Variants in CERK observed in about 807,000 individuals in gnomAD.
CERK encodes the protein acylsphingosine kinase.
Under a neutral mutation model 63.4 loss-of-function variants are expected in CERK, and 39 were observed. The observed-to-expected ratio is 0.61, with a 90% CI of 0.48 to 0.80. The LOEUF (loss-of-function observed/expected upper bound fraction) is 0.80, where lower values mean the gene tolerates loss of function less well. Ranked by LOEUF, CERK falls within the 30% of genes least tolerant of loss-of-function variation. CERK has a pLI of 0.00. For synonymous variants in CERK, 302 were observed against 280.0 expected (o/e 1.08, Z -0.78); for missense variants, 670 against 714.1 (o/e 0.94, Z 0.70).
intron 8 of CERK, among the ~76,000 whole-genome samples, chr22:46,698,991 C>CCT (rs1184770257): frequency 4.6e-5 from 7 of 152,308 alleles, no homozygotes; most frequent in Non-Finnish European, 8.8e-5. Flanking sequence ...CTGTCACCTG[C>CCT]CTACCAGATG....
At chr22:46,712,358 T>C (rs752430333) in intron 3 of CERK, 65 bp from the exon 4 acceptor site, 22 of 1,489,014 alleles carry the variant, frequency 1.5e-5, no homozygotes, top group Middle Eastern at 1.7e-4. Flanking sequence ...GCTCTGTTAC[T>C]GGACAAAATC....
chr22:46,717,395 A>G (rs1045892043), intron 3 of CERK, among the ~76,000 whole-genome samples: 38 of 152,250 alleles, frequency 2.5e-4, no homozygotes, highest in African/African-American at 9.2e-4. Flanking sequence ...CCACTGTACC[A>G]TGGGTGAATA....
chr22:46,706,305 C>T (rs892725158), intron 6 of CERK, among the ~76,000 whole-genome samples: 15 of 152,226 alleles, frequency 9.9e-5, no homozygotes, highest in Non-Finnish European at 1.8e-4. Flanking sequence ...GCCAGCTCTT[C>T]CGCTCTCCCC....
intron 5 of CERK, among the ~76,000 whole-genome samples, chr22:46,710,161 G>C (rs1027222207): frequency 2.6e-5 from 4 of 152,196 alleles, no homozygotes; most frequent in African/African-American, 9.7e-5. Flanking sequence ...GGGCGCGGTG[G>C]CTCATGCCTG....
rs967998624 is a variant in CERK at position 46,714,658 on chromosome 22, T to C, written c.380-2365A>G. Among the ~76,000 whole-genome samples, 1 of 152,136 alleles carries C rather than the reference T, an allele frequency of 6.6e-6. No homozygotes were observed. The highest frequency in any genetic ancestry group is 2.4e-5 in the African/African-American group (1 of 41,438). ...CAAAGAAAACTCCAAGCCCAGATGA[T>C]TTCACAACTGAATTCTTCCAAACAT... On this transcript the variant is annotated intron_variant, in intron 3 of 12. Coordinates refer to ENST00000216264, the MANE Select transcript of CERK (RefSeq NM_022766.6). The surrounding 1 kb of genome is among the most constrained non-coding windows in gnomAD (Gnocchi z 4.4).
chr22:46,702,221 A>ATGTGTGTG (rs1466132272), intron 6 of CERK, among the ~76,000 whole-genome samples: 71 of 113,374 alleles, frequency 6.3e-4, no homozygotes, highest in African/African-American at 1.4e-3. Flanking sequence ...AAAAATATAT[A>ATGTGTGTG]TATGTGTGTG....
intron 11 of CERK, among the ~76,000 whole-genome samples, 166 bp from the exon 12 acceptor site, chr22:46,690,366 G>A (rs1164247877): frequency 1.3e-5 from 2 of 151,920 alleles, no homozygotes; most frequent in Non-Finnish European, 2.9e-5. Flanking sequence ...TCCCTTTCCA[G>A]CTGAACTGAC....
At chr22:46,697,764 C>A (rs2082763446) in intron 8 of CERK, among the ~76,000 whole-genome samples, 1 of 152,224 alleles carries the variant, frequency 6.6e-6, no homozygotes, top group African/African-American at 2.4e-5. Context: ...CTTGACCTCC[C>A]AAAGTGCTGG....
Position 46,720,886 on chromosome 22 carries a change from C to T in CERK, c.256+16G>A, listed in dbSNP as rs969099939. 21 of 1,453,090 alleles carry T rather than the reference C, an allele frequency of 1.4e-5. No homozygotes were observed. The highest frequency in any genetic ancestry group is 2.0e-5 in the Non-Finnish European group (21 of 1,033,760). The allele number at this position is 1,453,090 out of a possible 1,614,324, so 90.0% of individuals were successfully genotyped here. A position where few individuals can be genotyped will look rare whatever the true frequency, so the allele number is the denominator to read the frequency against. On this transcript the variant is annotated intron_variant, in intron 2 of 12. Coordinates refer to ENST00000216264, the MANE Select transcript of CERK (RefSeq NM_022766.6). The stretch of plus-strand genomic sequence containing the variant: ...AATTAATGAAGAATGTGGGAGAAGA[C>T]ATTTAGGCTTATCACCTGTAAAAGC...
intron 1 of CERK, among the ~76,000 whole-genome samples, chr22:46,734,289 C>G (rs575058323): frequency 5.3e-4 from 81 of 152,106 alleles, no homozygotes; most frequent in Non-Finnish European, 1.0e-3. Flanking sequence ...AAAGAAGGAA[C>G]TGCTGACATG....
chr22:46,711,174 A>T, intron 4 of CERK, 25 bp from the exon 5 acceptor site: 1 of 1,580,262 alleles, frequency 6.3e-7, no homozygotes, highest in Non-Finnish European at 8.7e-7. Flanking sequence ...TACATCACAC[A>T]GTTTATATTC....
chr22:46,737,690 C>T (rs1289622052), intron 1 of CERK, among the ~76,000 whole-genome samples: 2 of 152,214 alleles, frequency 1.3e-5, no homozygotes, highest in Non-Finnish European at 2.9e-5. Context: ...CCAGAGGTGC[C>T]CTGCGGACAG....
rs2082705154 is a variant in CERK, at chr22:46,687,055, A to T, written c.*79T>A. ...AATAAATTTCTACATTTAAATGTAT[A>T]TATCAACATAATTGGTCTGTAATAA... is the stretch of plus-strand genomic sequence containing the variant. On this transcript the variant is annotated 3_prime_UTR_variant, in exon 13 of 13. Coordinates refer to ENST00000216264, the MANE Select transcript of CERK (RefSeq NM_022766.6). 2 of 1,104,776 alleles carry T rather than the reference A, an allele frequency of 1.8e-6. No homozygotes were observed. The highest frequency in any genetic ancestry group is 1.3e-5 in the South Asian group (1 of 76,600). 68.4% of individuals were successfully genotyped at this position (1,104,776 alleles called of 1,614,324 possible).
intron 11 of CERK, among the ~76,000 whole-genome samples, chr22:46,691,082 CACAT>C (rs777072623): frequency 1.3e-5 from 2 of 151,704 alleles, no homozygotes; most frequent in African/African-American, 4.9e-5. Flanking sequence ...CACACACACA[CACAT>C]ATATTTGAGA....
At chr22:46,732,783 C>G (rs1325883673) in intron 1 of CERK, among the ~76,000 whole-genome samples, 1 of 152,152 alleles carries the variant, frequency 6.6e-6, no homozygotes, top group Non-Finnish European at 1.5e-5. Flanking sequence ...GGGTCAGTAT[C>G]TACTCAGACG....
intron 1 of CERK, among the ~76,000 whole-genome samples, chr22:46,730,001 T>G (rs1053747375): frequency 4.0e-5 from 6 of 151,800 alleles, no homozygotes; most frequent in African/African-American, 1.5e-4. Context: ...ATCGCACCAC[T>G]GCACTCCAGC....
intron 1 of CERK, among the ~76,000 whole-genome samples, chr22:46,730,039 AAAACAAACAAAC>A (rs150531711): frequency 6.7e-6 from 1 of 150,348 alleles, no homozygotes; most frequent in Admixed American, 6.6e-5. Context: ...ACTCCATCTC[AAAACAAACAAAC>A]AAACAAACAA....
At chr22:46,736,012 CCCACCAGCCAGGG>C (rs994514825) in intron 1 of CERK, among the ~76,000 whole-genome samples, 159 of 152,298 alleles carry the variant, frequency 1.0e-3, no homozygotes, top group African/African-American at 9.4e-4. Context: ...CTGGAGGAAG[CCCACCAGCCAGGG>C]CCACCAGCCA....
rs537852467 is a variant in CERK at position 46,725,388 on chromosome 22, GC to G, written c.143-4374del. 1.8e-4 allele frequency among the ~76,000 whole-genome samples: 27 copies of G among 152,246 alleles called. No individual in the cohort carries two copies. In the South Asian group the frequency reaches 5.6e-3, roughly 32 times the overall value. ...GTGGACGGCAGTGGGACCACCGAGG[GC>G]TGGCACACAGAAGAATGCGGACGGT... On this transcript the variant is annotated intron_variant, in intron 1 of 12. Coordinates refer to ENST00000216264, the MANE Select transcript of CERK (RefSeq NM_022766.6).
Sources: allele counts gnomAD v4.1 joint callset (sites outside exome capture counted in the v4.1 genomes callset), GRCh38; gene constraint gnomAD v4.1.1; non-coding constraint Gnocchi (gnomAD v3.1); transcripts MANE v1.5; gene names NCBI Gene and HGNC (gene_info 2026-07-23, HGNC 2026-07-21).